The following MYO1H variants were observed in gnomAD, a reference collection of about 807,000 sequenced individuals.
MYO1H encodes the protein myosin IH, also known as unconventional myosin-Ih.
Under a neutral mutation model 149.3 loss-of-function variants are expected in MYO1H, and 118 were observed. That is an observed-to-expected ratio of 0.79 (90% confidence interval 0.68 to 0.92). The LOEUF (loss-of-function observed/expected upper bound fraction) is 0.92. Ranked by LOEUF, MYO1H falls within the 40% of genes least tolerant of loss-of-function variation. The pLI, the probability that MYO1H is intolerant of heterozygous loss-of-function variation, is 0.00. For synonymous variants in MYO1H, 447 were observed against 465.2 expected, an observed-to-expected ratio of 0.96 and a Z score of 0.50; for missense variants, 1,212 against 1,280.7, an observed-to-expected ratio of 0.95 and a Z score of 0.82.
At chr12:109,376,382 G>A (rs7294796) in intron 1 of MYO1H, among the ~76,000 whole-genome samples, 8,999 of 152,202 alleles carry the variant, frequency 0.059, 871 homozygotes, top group African/African-American at 0.21. Flanking sequence ...CACCTAGCAT[G>A]ATGTTTTCAA....
chr12:109,311,061 AC>A, the MYO1H span, among the ~76,000 whole-genome samples: 3 of 152,232 alleles, frequency 2.0e-5, no homozygotes, highest in Non-Finnish European at 4.4e-5. Context: ...TTGTAAGGAA[AC>A]GTGGGTGACT....
intron 9 of MYO1H, among the ~76,000 whole-genome samples, chr12:109,407,269 G>A (rs1870435871): frequency 1.3e-5 from 2 of 152,040 alleles, no homozygotes; most frequent in South Asian, 4.2e-4. Context: ...ACATGACTGT[G>A]ATTCTTTGAA....
chr12:109,332,286 T>C, the MYO1H span, among the ~76,000 whole-genome samples: 12 of 152,310 alleles, frequency 7.9e-5, no homozygotes, highest in African/African-American at 2.6e-4. Flanking sequence ...AATCCTCCAA[T>C]AGTGGTCAGA....
intron 10 of MYO1H, among the ~76,000 whole-genome samples, chr12:109,409,330 G>C (rs897187451): frequency 3.4e-5 from 5 of 146,228 alleles, no homozygotes; most frequent in Non-Finnish European, 3.0e-5. Context: ...TGAATCAGAA[G>C]GGGAAGGTCT....
At chr12:109,315,811 A>G in the MYO1H span, among the ~76,000 whole-genome samples, 1 of 152,214 alleles carries the variant, frequency 6.6e-6, no homozygotes, top group Admixed American at 6.5e-5. Context: ...ACAAAAATAA[A>G]ATATCTTCTG....
At chr12:109,425,658 G>A (rs1871326479) in intron 17 of MYO1H, among the ~76,000 whole-genome samples, 1 of 152,132 alleles carries the variant, frequency 6.6e-6, no homozygotes, top group South Asian at 2.1e-4. Context: ...GACAGGCCTG[G>A]GGCAGAACTG....
chr12:109,423,534 T>G (rs1425211347), intron 16 of MYO1H, among the ~76,000 whole-genome samples: 2 of 152,226 alleles, frequency 1.3e-5, no homozygotes, highest in African/African-American at 4.8e-5. Flanking sequence ...GTTGATCTCC[T>G]GAACTCTTTT....
chr12:109,410,913 G>A, intron 13 of MYO1H, 145 bp downstream of exon 13: 1 of 617,272 alleles, frequency 1.6e-6, no homozygotes. Context: ...AGGCCGAGGT[G>A]GGTGGATCAC....
chr12:109,399,688 G>T (rs1221829077), intron 5 of MYO1H, among the ~76,000 whole-genome samples: 1 of 151,916 alleles, frequency 6.6e-6, no homozygotes, highest in Non-Finnish European at 1.5e-5. Context: ...GAGGTGAGAG[G>T]ATTGCTTGAG....
chr12:109,313,475 G>A, the MYO1H span, among the ~76,000 whole-genome samples: 10 of 152,288 alleles, frequency 6.6e-5, no homozygotes, highest in South Asian at 2.1e-4. Context: ...ATTGATCTCC[G>A]CTGCTGTTAG....
At chr12:109,426,005 G>A in exon 18 of MYO1H, 1 of 1,613,874 alleles carries the variant, frequency 6.2e-7, no homozygotes, top group South Asian at 1.1e-5. Context: ...TCTCTAAGGA[G>A]CCCTCCTACA....
intron 1 of MYO1H, among the ~76,000 whole-genome samples, chr12:109,381,946 T>A (rs532112889): frequency 2.6e-5 from 4 of 152,364 alleles, no homozygotes; most frequent in African/African-American, 9.6e-5. Context: ...CTCATTATTC[T>A]GAAAACTAGC....
intron 10 of MYO1H, 100 bp downstream of exon 10, chr12:109,408,013 C>T (rs551294718): frequency 6.2e-5 from 92 of 1,475,656 alleles, no homozygotes; most frequent in Admixed American, 1.2e-4. Context: ...GAACTGTGGG[C>T]GCCTCATGGG....
At chr12:109,312,821 T>C in the MYO1H span, among the ~76,000 whole-genome samples, 90,608 of 150,328 alleles carry the variant, frequency 0.6, 28,635 homozygotes, top group African/African-American at 0.78. Context: ...AACCATTAAA[T>C]TAGAACCCTC....
intron 1 of MYO1H, among the ~76,000 whole-genome samples, chr12:109,366,634 A>G (rs1393968179): frequency 1.3e-5 from 2 of 152,204 alleles, no homozygotes; most frequent in African/African-American, 4.8e-5. Flanking sequence ...ACTCTCCCTC[A>G]GATGCAGAAA....
At chr12:109,334,507 A>G in the MYO1H span, among the ~76,000 whole-genome samples, 57 of 152,336 alleles carry the variant, frequency 3.7e-4, no homozygotes, top group East Asian at 1.7e-3. Context: ...ACATTGTTGT[A>G]GATGAGAAAA....
At chr12:109,354,452 AAAG>A (rs1868536364) in intron 1 of MYO1H, 1 of 151,956 alleles carries the variant, frequency 6.6e-6, no homozygotes, top group African/African-American at 2.4e-5. Context: ...AAAAAAAAGA[AAAG>A]AAAAAATACA....
chr12:109,401,365 A>G (rs1253882445), intron 6 of MYO1H, 93 bp downstream of exon 6: 14 of 1,291,472 alleles, frequency 1.1e-5, no homozygotes, highest in Middle Eastern at 5.4e-4. Flanking sequence ...GAGACATTCT[A>G]TTACCATCCT....
At chr12:109,432,865 C>A in intron 19 of MYO1H, 32 bp from the exon 20 acceptor site, 1 of 1,588,712 alleles carries the variant, frequency 6.3e-7, no homozygotes, top group South Asian at 1.1e-5. Flanking sequence ...AAGGTACGGT[C>A]ACAGCTTCTC....
Sources: gnomAD v4.1 joint callset for allele counts (sites outside exome capture counted in the v4.1 genomes callset) on GRCh38, gnomAD v4.1.1 for gene constraint, MANE v1.5 for transcripts, NCBI Gene and HGNC (gene_info 2026-07-23, HGNC 2026-07-21) for gene names.